Variants in STARD13 observed in about 807,000 individuals in gnomAD.
STARD13 encodes the protein stAR-related lipid transfer protein 13.
Under a neutral mutation model 106.4 loss-of-function variants are expected in STARD13, and 62 were observed. The ratio of observed to expected loss-of-function variants is 0.58; its 90% CI spans 0.48 to 0.72. The LOEUF is 0.72. STARD13 is among the 30% of genes least tolerant of loss of function. The probability of loss-of-function intolerance (pLI) is 0.00; values close to 1 mark genes in which losing one functional copy is unlikely to be tolerated. For missense variants in STARD13, 1,387 were observed against 1,424.0 expected, an observed-to-expected ratio of 0.97 and a Z score of 0.42; for synonymous variants, 565 against 553.0, an observed-to-expected ratio of 1.02 and a Z score of -0.31.
chr13:33,310,014 A>T (rs1893070991), intron 1 of STARD13, among the ~76,000 whole-genome samples: 1 of 152,224 alleles, frequency 6.6e-6, no homozygotes, highest in African/African-American at 2.4e-5. Context: ...CTCTCCTAAG[A>T]GAAGAAAGTG....
At chr13:33,384,743 T>C in the STARD13 span, among the ~76,000 whole-genome samples, 1 of 152,186 alleles carries the variant, frequency 6.6e-6, no homozygotes, top group Admixed American at 6.5e-5. Flanking sequence ...TCCACTGTGG[T>C]ACTCATATCC....
chr13:33,209,370 C>A (rs1193849819), intron 1 of STARD13, among the ~76,000 whole-genome samples: 1 of 152,166 alleles, frequency 6.6e-6, no homozygotes, highest in Non-Finnish European at 1.5e-5. Context: ...AGCAACACTA[C>A]CCATATTGGG....
At chr13:33,668,799 A>G in the STARD13 span, among the ~76,000 whole-genome samples, 1,618 of 152,322 alleles carry the variant, frequency 0.011, 22 homozygotes, top group African/African-American at 0.036. Context: ...TGAAGATCAC[A>G]TGCTATTTTA....
chr13:33,181,293 CACAT>C (rs1885215074), intron 1 of STARD13, among the ~76,000 whole-genome samples: 1 of 152,186 alleles, frequency 6.6e-6, no homozygotes, highest in Admixed American at 6.5e-5. Flanking sequence ...CACACACACA[CACAT>C]ATTCATGCAC....
At chr13:33,367,941 C>T in the STARD13 span, among the ~76,000 whole-genome samples, 3 of 152,008 alleles carry the variant, frequency 2.0e-5, no homozygotes, top group African/African-American at 7.3e-5. Flanking sequence ...CTGTCATGGC[C>T]AGATATGTGG....
At chr13:33,332,046 A>G (rs1213755535) in intron 1 of STARD13, among the ~76,000 whole-genome samples, 1 of 152,080 alleles carries the variant, frequency 6.6e-6, no homozygotes, top group African/African-American at 2.4e-5. Flanking sequence ...AACCAGGTGA[A>G]TTGCTCACAG....
intron 1 of STARD13, among the ~76,000 whole-genome samples, chr13:33,212,449 A>T (rs78760060): frequency 6.6e-6 from 1 of 152,182 alleles, no homozygotes; most frequent in Non-Finnish European, 1.5e-5. Context: ...AGAAATGTCA[A>T]CCTTTCAGAT....
At chr13:33,586,629 C>T in the STARD13 span, among the ~76,000 whole-genome samples, 1 of 152,100 alleles carries the variant, frequency 6.6e-6, no homozygotes, top group African/African-American at 2.4e-5. Context: ...GTGAAAGAGC[C>T]GGGTGTTAAA....
chr13:33,281,774 C>A lies in STARD13; in HGVS notation c.169+3696G>T, dbSNP rs73179063. ...ACTTATATGAGGTACTTAAAGTAGT[C>A]AAATTCATAGAGACAGAAAGTTGAA... On this transcript the variant is annotated intron_variant, in intron 1 of 13. Transcript: ENST00000336934. Among the ~76,000 whole-genome samples the A allele has an allele frequency of 3.9e-3, 599 of 152,128 alleles. 3 individuals carry two copies. The highest frequency in any genetic ancestry group is 6.2e-3 in the Non-Finnish European group (419 of 68,000).
intron 4 of STARD13, among the ~76,000 whole-genome samples, chr13:33,137,928 G>A (rs1445783516): frequency 6.6e-6 from 1 of 152,140 alleles, no homozygotes; most frequent in Non-Finnish European, 1.5e-5. Flanking sequence ...TGGGAAGTAG[G>A]GGTGGGTGGG....
intron 1 of STARD13, among the ~76,000 whole-genome samples, chr13:33,266,406 C>A (rs1890899115): frequency 1.3e-5 from 2 of 152,192 alleles, no homozygotes; most frequent in African/African-American, 4.8e-5. Flanking sequence ...CTAGGCTGCT[C>A]TTTTTGTCCT....
chr13:33,260,083 T>A (rs1240240835), intron 1 of STARD13, among the ~76,000 whole-genome samples: 1 of 151,770 alleles, frequency 6.6e-6, no homozygotes, highest in Non-Finnish European at 1.5e-5. Context: ...GAAGGATTAG[T>A]CTAATTTCTA....
chr13:33,168,448 G>C (rs1276547311), intron 1 of STARD13, among the ~76,000 whole-genome samples: 1 of 152,098 alleles, frequency 6.6e-6, no homozygotes, highest in Non-Finnish European at 1.5e-5. Context: ...TGTGAACCAG[G>C]TCACTTTTTG....
At chr13:33,406,742 A>C in the STARD13 span, among the ~76,000 whole-genome samples, 1 of 152,212 alleles carries the variant, frequency 6.6e-6, no homozygotes, top group African/African-American at 2.4e-5. Flanking sequence ...AACCAACAAA[A>C]GCACAAAAAT....
chr13:33,499,609 T>C, the STARD13 span, among the ~76,000 whole-genome samples: 1,781 of 74,384 alleles, frequency 0.024, 65 homozygotes, highest in Middle Eastern at 0.077. Flanking sequence ...TCTTCTTTCT[T>C]CTTCTTCTTC....
chr13:33,513,378 C>T, the STARD13 span, among the ~76,000 whole-genome samples: 6,343 of 152,178 alleles, frequency 0.042, 426 homozygotes, highest in African/African-American at 0.14. Flanking sequence ...GCTTTATCAG[C>T]AATAAAGTGT....
the STARD13 span, among the ~76,000 whole-genome samples, chr13:33,543,264 A>G: frequency 6.6e-6 from 1 of 152,142 alleles, no homozygotes; most frequent in Admixed American, 6.6e-5. Flanking sequence ...CCTTTGGCCT[A>G]TTAAAGCGCT....
the STARD13 span, among the ~76,000 whole-genome samples, chr13:33,606,242 A>C: frequency 6.6e-6 from 1 of 152,196 alleles, no homozygotes; most frequent in South Asian, 2.1e-4. Context: ...TGGAGGTTGC[A>C]GTGAGCCAAG....
the STARD13 span, among the ~76,000 whole-genome samples, chr13:33,545,319 T>C: frequency 6.6e-6 from 1 of 151,926 alleles, no homozygotes; most frequent in African/African-American, 2.4e-5. Flanking sequence ...ATGATCTCGA[T>C]CTCCTGACCT....
Sources: gnomAD v4.1 joint callset for allele counts (sites outside exome capture counted in the v4.1 genomes callset) on GRCh38, gnomAD v4.1.1 for gene constraint, MANE v1.5 for transcripts, NCBI Gene and HGNC (gene_info 2026-07-23, HGNC 2026-07-21) for gene names.